Variants in ATP8B3 observed in about 807,000 individuals in gnomAD.
ATP8B3 encodes ATPase phospholipid transporting 8B3, also known as phospholipid-transporting ATPase IK.
A neutral mutation model predicts 140.9 loss-of-function variants in ATP8B3; 141 were observed. The ratio of observed to expected loss-of-function variants is 1.00; its 90% CI spans 0.87 to 1.15. ATP8B3 has a LOEUF of 1.15. Among genes scored for constraint, ATP8B3 ranks in the 50% most tolerant of loss-of-function variants. ATP8B3 has a pLI of 0.00. For missense variants in ATP8B3, 1,874 were observed against 1,740.6 expected, an observed-to-expected ratio of 1.08 and a Z score of -1.36; for synonymous variants, 765 against 714.6, an observed-to-expected ratio of 1.07 and a Z score of -1.13.
At chr19:1,790,060 GCCCCTCCCA>G (rs1369148789) in intron 21 of ATP8B3, 71 bp from the exon 22 acceptor site, 2 of 1,198,844 alleles carry the variant, frequency 1.7e-6, no homozygotes, top group Admixed American at 3.5e-5. Context: ...GGGCTCCACT[GCCCCTCCCA>G]CCCCTTCCAC....
At chr19:1,783,576 G>A (rs1323109609) in intron 28 of ATP8B3, among the ~76,000 whole-genome samples, 2 of 152,174 alleles carry the variant, frequency 1.3e-5, no homozygotes, top group African/African-American at 4.8e-5. Context: ...CCTTCCCTGG[G>A]ACTTAACCCT....
At position 1,805,750 on chromosome 19, in the gene ATP8B3, C is replaced by A. The variant is rs1272934711; in HGVS notation, c.821+138G>T. On this transcript the variant is annotated intron_variant, in intron 9 of 28. Coordinates refer to ENST00000310127, the MANE Select transcript of ATP8B3 (RefSeq NM_138813.4). This position sits in a 1 kb window ranked among gnomAD's most constrained non-coding sequence, Gnocchi z 5.2. The stretch of plus-strand genomic sequence containing the variant: ...CCCTCAGTGCCTGGCAGCACCCACG[C>A]CCCAGACACTCATGGGGTGAGTGAC... 1 of 1,037,482 alleles carries A rather than the reference C, an allele frequency of 9.6e-7. No individual in the cohort carries two copies. Among genetic ancestry groups the A allele is most frequent in the East Asian group, 2.6e-5 (1 of 38,512 alleles). 64.3% of individuals were successfully genotyped at this position (1,037,482 alleles called of 1,614,324 possible).
chr19:1,792,205 C>T, intron 18 of ATP8B3, 70 bp from the exon 19 acceptor site: 3 of 1,458,474 alleles, frequency 2.1e-6, no homozygotes, highest in Non-Finnish European at 2.7e-6. Flanking sequence ...CTCCCCAACC[C>T]CCTGCCGGGC....
At chr19:1,810,047 C>A (rs963278427) in intron 3 of ATP8B3, among the ~76,000 whole-genome samples, 2 of 152,226 alleles carry the variant, frequency 1.3e-5, no homozygotes, top group African/African-American at 4.8e-5. Context: ...GGGGGGTAAA[C>A]TGAGGCTTGG....
In ATP8B3 at chr19:1,805,974, G is replaced by A; in HGVS notation, c.751-16C>T. On this transcript the variant is annotated splice_polypyrimidine_tract_variant and intron_variant, in intron 8 of 28. Transcript: ENST00000310127. This position sits in a 1 kb window ranked among gnomAD's most constrained non-coding sequence, Gnocchi z 5.2. ...GCATGTCGGCCTGGTGTGGAGTGGG[G>A]GGCAGCGTTGCAAGAGGGGATGCAA... The A allele has an allele frequency of 6.2e-7, 1 of 1,612,546 alleles. No homozygotes were observed. Among genetic ancestry groups the A allele is most frequent in the Non-Finnish European group, 8.5e-7 (1 of 1,179,810 alleles).
At chr19:1,804,556 C>T (rs377477705) in intron 10 of ATP8B3, among the ~76,000 whole-genome samples, 129 of 151,480 alleles carry the variant, frequency 8.5e-4, no homozygotes, top group Non-Finnish European at 1.4e-3. Context: ...TGCAGTGAGC[C>T]GAGATTGCGC....
intron 3 of ATP8B3, among the ~76,000 whole-genome samples, chr19:1,810,036 AG>A (rs576726546): frequency 5.3e-5 from 8 of 152,334 alleles, no homozygotes; most frequent in Admixed American, 3.9e-4. Flanking sequence ...CATTTTACAG[AG>A]GGGGGTAAAC....
At chr19:1,797,130 G>A in intron 14 of ATP8B3, 125 bp from the exon 15 acceptor site, 1 of 1,452,028 alleles carries the variant, frequency 6.9e-7, no homozygotes, top group Non-Finnish European at 9.4e-7. Context: ...CAGGCCTGTG[G>A]CCCTGGAACC....
chr19:1,800,547 C>G lies in ATP8B3; in HGVS notation c.1153-98G>C. Reference sequence around the variant, plus strand: ...ACAAAGATAAGGCTGGGGCTGGGCACAGTGGCTCATGCCTGTAATCTCAGC... The same window carrying G: ...ACAAAGATAAGGCTGGGGCTGGGCAGAGTGGCTCATGCCTGTAATCTCAGC... On this transcript the variant is annotated intron_variant, in intron 12 of 28. Coordinates refer to ENST00000310127, the MANE Select transcript of ATP8B3 (RefSeq NM_138813.4). The surrounding 1 kb of genome is among the most constrained non-coding windows in gnomAD (Gnocchi z 4.4). The G allele has an allele frequency of 8.8e-7, 1 of 1,132,170 alleles. No individual in the cohort carries two copies. Among genetic ancestry groups the G allele is most frequent in the Non-Finnish European group, 1.3e-6 (1 of 789,238 alleles). 70.1% of individuals were successfully genotyped at this position (1,132,170 alleles called of 1,614,324 possible).
chr19:1,801,932 C>G (rs575134960), intron 12 of ATP8B3, 24 bp downstream of exon 12: 4 of 1,578,928 alleles, frequency 2.5e-6, no homozygotes, highest in Non-Finnish European at 3.5e-6. Context: ...GTTCCTGGGG[C>G]AGGGGCACTT....
At chr19:1,790,017 G>A in intron 21 of ATP8B3, 28 bp from the exon 22 acceptor site, 1 of 1,557,064 alleles carries the variant, frequency 6.4e-7, no homozygotes, top group Non-Finnish European at 8.8e-7. Flanking sequence ...CAGCGGGGCA[G>A]GGGAGGGGGC....
chr19:1,803,626 G>A (rs926672262), intron 10 of ATP8B3, among the ~76,000 whole-genome samples: 10 of 152,178 alleles, frequency 6.6e-5, no homozygotes, highest in Admixed American at 1.3e-4. Context: ...GGCCGGGTGC[G>A]GTGGCTATGC....
chr19:1,810,777 C>G (rs2069167334), intron 2 of ATP8B3, 94 bp from the exon 3 acceptor site: 5 of 1,178,724 alleles, frequency 4.2e-6, no homozygotes, highest in Non-Finnish European at 5.9e-6. Context: ...AGGGGCCGAC[C>G]CTCTCAAATG....
chr19:1,785,003 G>T, intron 27 of ATP8B3, 57 bp from the exon 28 acceptor site: 2 of 1,559,566 alleles, frequency 1.3e-6, no homozygotes, highest in Non-Finnish European at 1.7e-6. Flanking sequence ...GATGCCCCCA[G>T]GCTAGGGAGC....
Position 1,800,478 on chromosome 19 carries a change from A to G in ATP8B3, c.1153-29T>C, listed in dbSNP as rs2068812533. 3.8e-4 allele frequency: 287 copies of G among 764,510 alleles called. No homozygotes were observed. The highest frequency in any genetic ancestry group is 5.5e-4 in the Non-Finnish European group (257 of 465,482). The allele number at this position is 764,510 out of a possible 1,614,324, so 47.4% of individuals were successfully genotyped here. On this transcript the variant is annotated intron_variant, in intron 12 of 28. Coordinates refer to ENST00000310127, the MANE Select transcript of ATP8B3 (RefSeq NM_138813.4). This position sits in a 1 kb window ranked among gnomAD's most constrained non-coding sequence, Gnocchi z 4.4. ...GAAGGCAGACGCGACAGGGTGGGTG[A>G]GGGGGGCGGGGGTCCCCCACTCTGC...
chr19:1,809,767 C>A (rs765093655), intron 3 of ATP8B3, 33 bp from the exon 4 acceptor site: 4 of 1,567,934 alleles, frequency 2.6e-6, no homozygotes, highest in South Asian at 1.2e-5. Context: ...CGCTGGAGCT[C>A]GAGGCCCAGG....
chr19:1,791,582 G>A (rs1441124543), intron 20 of ATP8B3, among the ~76,000 whole-genome samples, 168 bp downstream of exon 20: 5 of 152,084 alleles, frequency 3.3e-5, no homozygotes, highest in Admixed American at 1.3e-4. Context: ...TAGCAGAGAC[G>A]GGGTTTGACC....
chr19:1,787,467 G>A (rs942120389), intron 24 of ATP8B3, among the ~76,000 whole-genome samples: 2 of 152,118 alleles, frequency 1.3e-5, no homozygotes, highest in African/African-American at 2.4e-5. Context: ...GGTGGCTCAC[G>A]CCTATAATCT....
At chr19:1,803,104 C>T (rs963080241) in intron 10 of ATP8B3, among the ~76,000 whole-genome samples, 4 of 152,174 alleles carry the variant, frequency 2.6e-5, no homozygotes, top group African/African-American at 9.7e-5. Flanking sequence ...GAAGGGACGC[C>T]TGATCGATGA....
Sources: gnomAD v4.1 joint callset for allele counts (sites outside exome capture counted in the v4.1 genomes callset) on GRCh38, gnomAD v4.1.1 for gene constraint, Gnocchi (gnomAD v3.1) non-coding constraint, MANE v1.5 for transcripts, NCBI Gene and HGNC (gene_info 2026-07-23, HGNC 2026-07-21) for gene names.